The following IL1RAPL2 variants were observed in gnomAD, a reference collection of about 807,000 sequenced individuals.
The protein encoded by IL1RAPL2 is interleukin 1 receptor accessory protein like 2, also known as X-linked interleukin-1 receptor accessory protein-like 2.
Under a neutral mutation model 44.1 loss-of-function variants are expected in IL1RAPL2, and 3 were observed. That is an observed-to-expected ratio of 0.07 (90% confidence interval 0.03 to 0.18). The LOEUF is 0.18. Among genes scored for constraint, IL1RAPL2 ranks in the 10% least tolerant of loss-of-function variants. The probability of loss-of-function intolerance (pLI) is 1.00; values close to 1 mark genes in which losing one functional copy is unlikely to be tolerated. For synonymous variants in IL1RAPL2, 181 were observed against 178.8 expected (o/e 1.01, Z -0.10); for missense variants, 391 against 496.4 (o/e 0.79, Z 2.02).
intron 2 of IL1RAPL2, among the ~76,000 whole-genome samples, chrX:104,669,978 T>C (rs1037086786): frequency 7.1e-5 from 8 of 112,148 alleles, no homozygotes; most frequent in African/African-American, 9.7e-5. Flanking sequence ...TTCTGCAGTT[T>C]GAATTCTCAA....
rs1928487142 is a variant in IL1RAPL2, at chrX:104,585,224, ATATG to A, written c.-20+18175_-20+18178del. ...GTATTATATATACACATATATGTAT[ATATG>A]TGTATATATATAATATATGATATAT... On this transcript the variant is annotated intron_variant, in intron 1 of 10. Coordinates refer to ENST00000372582, the MANE Select transcript of IL1RAPL2 (RefSeq NM_017416.2). Among the ~76,000 whole-genome samples the A allele has an allele frequency of 7.5e-5, 4 of 53,629 alleles. 1 individual carries two copies. Among genetic ancestry groups the A allele is most frequent in the African/African-American group, 3.3e-4 (3 of 9,139 alleles). 46.6% of individuals were successfully genotyped at this position (53,629 alleles called of 115,157 possible).
chrX:105,369,257 A>C (rs1374558575), intron 5 of IL1RAPL2, among the ~76,000 whole-genome samples: 1 of 111,065 alleles, frequency 9.0e-6, no homozygotes, highest in African/African-American at 3.3e-5. Context: ...TGAATTAGAT[A>C]AAAATTCTCC....
Position 104,710,688 on chromosome X carries a change from A to G in IL1RAPL2, c.82+51693A>G, listed in dbSNP as rs561138059. ...CTCATTTGCTGCGTAACATGGGTCA[A>G]TGATGAATTACATATAGGATGATGG... On this transcript the variant is annotated intron_variant, in intron 2 of 10. Coordinates refer to ENST00000372582, the MANE Select transcript of IL1RAPL2 (RefSeq NM_017416.2). Among the ~76,000 whole-genome samples, 13 of 111,384 alleles carry G rather than the reference A, an allele frequency of 1.2e-4. 1 individual carries two copies. The South Asian group carries it at 4.4e-3, about 38-fold the overall frequency.
chrX:105,178,936 C>A (rs2033502268), intron 2 of IL1RAPL2, among the ~76,000 whole-genome samples: 2 of 111,602 alleles, frequency 1.8e-5, no homozygotes, highest in Admixed American at 1.9e-4. Context: ...TTCTCCCATT[C>A]AACAGGTTAT....
intron 6 of IL1RAPL2, among the ~76,000 whole-genome samples, chrX:105,684,222 G>A (rs1256786837): frequency 8.9e-6 from 1 of 112,381 alleles, no homozygotes; most frequent in Non-Finnish European, 1.9e-5. Flanking sequence ...CTGAAGCAGG[G>A]CGGGGCGTCG....
At chrX:105,212,824 A>G (rs1461014268) in intron 3 of IL1RAPL2, among the ~76,000 whole-genome samples, 14 of 112,067 alleles carry the variant, frequency 1.2e-4, no homozygotes, top group Non-Finnish European at 2.3e-4. Context: ...CACTGGTGAT[A>G]CCCAGGTGAA....
At chrX:104,592,145 A>ATGTG (rs35940205) in intron 1 of IL1RAPL2, among the ~76,000 whole-genome samples, 4,133 of 60,139 alleles carry the variant, frequency 0.069, 203 homozygotes, top group South Asian at 0.16. Flanking sequence ...ATGCCCGTAT[A>ATGTG]TGTGTGTGTG....
intron 5 of IL1RAPL2, among the ~76,000 whole-genome samples, chrX:105,351,006 A>G (rs1351187726): frequency 8.9e-6 from 1 of 112,180 alleles, no homozygotes; most frequent in Non-Finnish European, 1.9e-5. Context: ...TTATGCAGCC[A>G]ACAAACATAT....
At chrX:105,340,776 A>G (rs2035064392) in intron 5 of IL1RAPL2, among the ~76,000 whole-genome samples, 1 of 110,727 alleles carries the variant, frequency 9.0e-6, no homozygotes, top group South Asian at 3.8e-4. Context: ...CTCTCAATCC[A>G]CCTTACTCTG....
At chrX:105,611,776 T>C (rs2037338072) in intron 6 of IL1RAPL2, among the ~76,000 whole-genome samples, 1 of 112,362 alleles carries the variant, frequency 8.9e-6, no homozygotes. Context: ...TGGAATCTTG[T>C]AGAATATTCT....
intron 2 of IL1RAPL2, among the ~76,000 whole-genome samples, chrX:104,718,146 A>T (rs111944336): frequency 5.4e-5 from 6 of 110,317 alleles, no homozygotes; most frequent in African/African-American, 9.9e-5. Flanking sequence ...GGTCAAATGG[A>T]ATTTCTAGTT....
At chrX:104,684,186 C>T (rs1479818437) in intron 2 of IL1RAPL2, among the ~76,000 whole-genome samples, 1 of 111,698 alleles carries the variant, frequency 9.0e-6, no homozygotes, top group Non-Finnish European at 1.9e-5. Context: ...TTCAGGTATC[C>T]ACTGATCTGT....
chrX:105,450,093 G>T (rs1417489582), intron 5 of IL1RAPL2, among the ~76,000 whole-genome samples: 1 of 112,053 alleles, frequency 8.9e-6, no homozygotes, highest in African/African-American at 3.2e-5. Context: ...CATCCATTGG[G>T]ATGGGCGATT....
intron 2 of IL1RAPL2, among the ~76,000 whole-genome samples, chrX:104,991,813 C>T (rs1413749451): frequency 9.0e-6 from 1 of 111,483 alleles, no homozygotes; most frequent in Non-Finnish European, 1.9e-5. Flanking sequence ...TAAAAGCATG[C>T]TGTGATAAAA....
chrX:105,379,082 A>C (rs900608864), intron 5 of IL1RAPL2, among the ~76,000 whole-genome samples: 2 of 111,878 alleles, frequency 1.8e-5, no homozygotes, highest in African/African-American at 6.5e-5. Flanking sequence ...CAACCTAATG[A>C]GTAAAACCAT....
At chrX:104,574,715 A>G (rs759554974) in intron 1 of IL1RAPL2, among the ~76,000 whole-genome samples, 10 of 112,174 alleles carry the variant, frequency 8.9e-5, no homozygotes, top group African/African-American at 2.6e-4. Context: ...ACTTGGACAC[A>G]TTAAAGACAA....
chrX:105,149,572 C>G (rs1269941030), intron 2 of IL1RAPL2, among the ~76,000 whole-genome samples: 1 of 111,387 alleles, frequency 9.0e-6, no homozygotes, highest in Non-Finnish European at 1.9e-5. Context: ...TGGCTCATGC[C>G]TATAATTCCA....
intron 6 of IL1RAPL2, among the ~76,000 whole-genome samples, chrX:105,639,029 T>C (rs2037545534): frequency 8.9e-6 from 1 of 112,018 alleles, no homozygotes; most frequent in Admixed American, 9.5e-5. Flanking sequence ...ATAGAGGAAC[T>C]CTAAGTAGAA....
chrX:105,058,956 G>T (rs2032035988), intron 2 of IL1RAPL2, among the ~76,000 whole-genome samples: 1 of 111,267 alleles, frequency 9.0e-6, no homozygotes, highest in Non-Finnish European at 1.9e-5. Flanking sequence ...ACCTCTTGCA[G>T]TCAAAAATCC....
Sources: gnomAD v4.1 joint callset for allele counts (sites outside exome capture counted in the v4.1 genomes callset) on GRCh38, gnomAD v4.1.1 for gene constraint, MANE v1.5 for transcripts, NCBI Gene and HGNC (gene_info 2026-07-23, HGNC 2026-07-21) for gene names.